HTR1F: variants seen among roughly 807,000 people sequenced by gnomAD.
The protein encoded by HTR1F is 5-hydroxytryptamine receptor 1F.
In HTR1F, 17 loss-of-function variants were observed where a neutral mutation model predicts 24.0. That is an observed-to-expected ratio of 0.71 (90% CI 0.48 to 1.06). The LOEUF is 1.06. Among genes scored for constraint, HTR1F ranks in the 50% least tolerant of loss-of-function variants. HTR1F has a pLI of 0.00. For missense variants in HTR1F, 391 were observed against 427.8 expected, an observed-to-expected ratio of 0.91 and a Z score of 0.76; for synonymous variants, 186 against 156.8, an observed-to-expected ratio of 1.19 and a Z score of -1.39.
At chr3:87,807,787 A>G (rs112660609) in intron 1 of HTR1F, among the ~76,000 whole-genome samples, 1 of 151,978 alleles carries the variant, frequency 6.6e-6, no homozygotes, top group African/African-American at 2.4e-5. Flanking sequence ...ATGTTGAAGT[A>G]TGTTCCTCCT....
intron 2 of HTR1F, among the ~76,000 whole-genome samples, chr3:87,924,398 GTT>G (rs1704078229): frequency 6.6e-6 from 1 of 152,000 alleles, no homozygotes; most frequent in Non-Finnish European, 1.5e-5. Context: ...TATCTTTGCA[GTT>G]TTGTGACTTT....
intron 2 of HTR1F, among the ~76,000 whole-genome samples, chr3:87,971,930 T>C (rs1705294209): frequency 6.6e-6 from 1 of 152,218 alleles, no homozygotes; most frequent in Non-Finnish European, 1.5e-5. Flanking sequence ...AATATACTTA[T>C]AGGGGAAGTT....
chr3:87,849,243 C>A (rs1218970599), intron 2 of HTR1F, among the ~76,000 whole-genome samples: 1 of 151,862 alleles, frequency 6.6e-6, no homozygotes, highest in African/African-American at 2.4e-5. Flanking sequence ...CAGCATGGTA[C>A]TGGTACCAAA....
At chr3:87,860,648 A>G (rs1281813127) in intron 2 of HTR1F, among the ~76,000 whole-genome samples, 1 of 151,740 alleles carries the variant, frequency 6.6e-6, no homozygotes, top group Non-Finnish European at 1.5e-5. Context: ...TTTTTTTTCT[A>G]TTTTATTAAG....
intron 1 of HTR1F, among the ~76,000 whole-genome samples, chr3:87,805,435 C>G (rs1704058340): frequency 6.6e-6 from 1 of 151,968 alleles, no homozygotes; most frequent in South Asian, 2.1e-4. Context: ...TAACTGACTT[C>G]CTATGAGTTC....
intron 2 of HTR1F, among the ~76,000 whole-genome samples, chr3:87,954,390 T>C (rs772268340): frequency 3.3e-5 from 5 of 151,772 alleles, no homozygotes; most frequent in Admixed American, 6.6e-5. Flanking sequence ...TAAAGAGATG[T>C]ATAATATTAG....
chr3:87,922,373 T>C (rs1263060114), intron 2 of HTR1F, among the ~76,000 whole-genome samples: 1 of 151,830 alleles, frequency 6.6e-6, no homozygotes, highest in Non-Finnish European at 1.5e-5. Context: ...CAGATTTTTT[T>C]CTTTTGAGTT....
At chr3:87,829,595 G>A (rs1188188363) in intron 2 of HTR1F, among the ~76,000 whole-genome samples, 1 of 152,152 alleles carries the variant, frequency 6.6e-6, no homozygotes, top group East Asian at 1.9e-4. Flanking sequence ...TGTCCTGAGG[G>A]ACTTAAGGAG....
chr3:87,976,575 TAA>T (rs1378536354), intron 2 of HTR1F, among the ~76,000 whole-genome samples: 1 of 152,234 alleles, frequency 6.6e-6, no homozygotes, highest in African/African-American at 2.4e-5. Context: ...CAGCTTTCAA[TAA>T]GTTTTAACAC....
At chr3:87,970,732 C>G (rs1705268409) in intron 2 of HTR1F, among the ~76,000 whole-genome samples, 1 of 152,178 alleles carries the variant, frequency 6.6e-6, no homozygotes, top group Non-Finnish European at 1.5e-5. Context: ...ACTTATTTCC[C>G]TATTGGTGTC....
chr3:87,931,026 C>CTTTTTTTTTTTTTTTTTTTTTATT (rs34617109), intron 2 of HTR1F, among the ~76,000 whole-genome samples: 3 of 131,840 alleles, frequency 2.3e-5, no homozygotes, highest in Non-Finnish European at 3.2e-5. Context: ...ATAGTCTTTC[C>CTTTTTTTTTTTTTTTTTTTTTATT]TTTTTTTTTT....
At chr3:87,990,343 C>T (rs1444974853) in intron 2 of HTR1F, among the ~76,000 whole-genome samples, 2 of 152,114 alleles carry the variant, frequency 1.3e-5, no homozygotes, top group South Asian at 2.1e-4. Context: ...ACAGTTGTTA[C>T]GGAGGCCTGC....
chr3:87,931,702 C>T (rs561707219), intron 2 of HTR1F, among the ~76,000 whole-genome samples: 14 of 152,088 alleles, frequency 9.2e-5, no homozygotes, highest in Non-Finnish European at 2.1e-4. Context: ...ACATCCTCTC[C>T]AGCAGCTGTT....
intron 2 of HTR1F, among the ~76,000 whole-genome samples, chr3:87,922,138 C>A (rs1174196558): frequency 2.6e-5 from 4 of 151,974 alleles, no homozygotes; most frequent in Non-Finnish European, 5.9e-5. Context: ...ATTTACATTT[C>A]TACCTGCAAT....
chr3:87,854,925 G>C (rs1705166241), intron 2 of HTR1F, among the ~76,000 whole-genome samples: 1 of 151,918 alleles, frequency 6.6e-6, no homozygotes. Context: ...ATTTTTTGTT[G>C]TTGTTGTTGT....
intron 2 of HTR1F, among the ~76,000 whole-genome samples, chr3:87,822,827 C>A (rs1344004263): frequency 6.6e-6 from 1 of 152,168 alleles, no homozygotes; most frequent in East Asian, 1.9e-4. Context: ...TTGGGAACAG[C>A]AATGGATTAA....
At chr3:87,984,246 A>G (rs973720953) in intron 2 of HTR1F, among the ~76,000 whole-genome samples, 2 of 152,106 alleles carry the variant, frequency 1.3e-5, no homozygotes, top group African/African-American at 4.8e-5. Flanking sequence ...ATTATCCCTC[A>G]CCAGTATTTC....
At chr3:87,986,974 C>A (rs542215474) in intron 2 of HTR1F, among the ~76,000 whole-genome samples, 1 of 152,132 alleles carries the variant, frequency 6.6e-6, no homozygotes, top group Admixed American at 6.5e-5. Flanking sequence ...GGTGTGGTGA[C>A]ACGTGCCTGT....
At chr3:87,961,021 C>CA (rs1045901882) in intron 2 of HTR1F, among the ~76,000 whole-genome samples, 3 of 151,908 alleles carry the variant, frequency 2.0e-5, no homozygotes, top group African/African-American at 4.8e-5. Context: ...CACACACACA[C>CA]ATACACACAA....
Sources: allele counts gnomAD v4.1 joint callset (sites outside exome capture counted in the v4.1 genomes callset), GRCh38; gene constraint gnomAD v4.1.1; transcripts MANE v1.5; gene names NCBI Gene and HGNC (gene_info 2026-07-23, HGNC 2026-07-21).